The following MAGI1 variants were observed in gnomAD, a reference collection of about 807,000 sequenced individuals.
MAGI1 encodes the protein membrane associated guanylate kinase, WW and PDZ domain containing 1.
In MAGI1, 58 loss-of-function variants were observed where a neutral mutation model predicts 139.9. The ratio of observed to expected loss-of-function variants is 0.41; its 90% confidence interval spans 0.34 to 0.52. The LOEUF (loss-of-function observed/expected upper bound fraction) is 0.52, where lower values mean the gene tolerates loss of function less well. MAGI1 is among the 20% of genes least tolerant of loss of function. MAGI1 has a pLI of 0.12. For synonymous variants in MAGI1, 812 were observed against 737.9 expected (o/e 1.10, Z -1.63); for missense variants, 1,874 against 1,901.6 (o/e 0.99, Z 0.27).
intron 7 of MAGI1, among the ~76,000 whole-genome samples, chr3:65,444,253 T>C (rs550813998): frequency 3.3e-4 from 51 of 152,316 alleles, no homozygotes; most frequent in Non-Finnish European, 4.6e-4. Context: ...CATTTGTATA[T>C]ACTGAGTCTT....
Position 65,379,437 on chromosome 3 carries a change from G to A in MAGI1, c.2819C>T (p.Thr940Met), listed in dbSNP as rs757905500. 2.5e-6 allele frequency: 4 copies of A among 1,613,900 alleles called. No individual in the cohort carries two copies. The highest frequency in any genetic ancestry group is 2.2e-5 in the South Asian group (2 of 91,080). The change falls in exon 17 of 23, where the codon ACG becomes ATG. Residue 940 changes from threonine to methionine, a missense_variant. Thr to Met is a moderately conservative substitution (Grantham distance 81). Transcript: ENST00000402939. ...GGTGCTGCCGCTGCCCGAGCTCACC[G>A]TGTTCAGCGAGTTCTGGCTGCCCTG... ...TPQGSQNSLN[T>M]VSSGSGSTSG...
chr3:65,662,103 AACTTTC>A (rs147420467), intron 1 of MAGI1, among the ~76,000 whole-genome samples: 2,040 of 152,266 alleles, frequency 0.013, 14 homozygotes, highest in Middle Eastern at 0.034. Flanking sequence ...AATTACCAAG[AACTTTC>A]ACAAGTTCAG....
At chr3:66,032,111 GAA>G (rs1345058923) in intron 1 of MAGI1, among the ~76,000 whole-genome samples, 1 of 152,194 alleles carries the variant, frequency 6.6e-6, no homozygotes, top group African/African-American at 2.4e-5. Flanking sequence ...CAAATCGAGA[GAA>G]AGGGAGGAAA....
At chr3:65,696,040 C>T (rs909198708) in intron 1 of MAGI1, among the ~76,000 whole-genome samples, 1 of 152,138 alleles carries the variant, frequency 6.6e-6, no homozygotes, top group Admixed American at 6.5e-5. Context: ...AGATAAAATC[C>T]AATGGCCAGT....
At chr3:65,575,973 T>G (rs2081157973) in intron 2 of MAGI1, among the ~76,000 whole-genome samples, 1 of 152,190 alleles carries the variant, frequency 6.6e-6, no homozygotes, top group Non-Finnish European at 1.5e-5. Context: ...TATGTTCGTT[T>G]TCTTAATTGT....
chr3:65,448,845 A>G (rs527508522), intron 6 of MAGI1, among the ~76,000 whole-genome samples: 2 of 152,192 alleles, frequency 1.3e-5, no homozygotes, highest in African/African-American at 4.8e-5. Flanking sequence ...TGTCAGTACA[A>G]CATTTTCTTA....
intron 1 of MAGI1, among the ~76,000 whole-genome samples, chr3:65,703,639 G>T (rs1028392307): frequency 6.6e-6 from 1 of 152,144 alleles, no homozygotes; most frequent in Non-Finnish European, 1.5e-5. Flanking sequence ...CTCACCTAAG[G>T]TCACACTAAT....
chr3:65,890,861 A>T (rs1391837134), intron 1 of MAGI1, among the ~76,000 whole-genome samples: 1 of 152,226 alleles, frequency 6.6e-6, no homozygotes, highest in Non-Finnish European at 1.5e-5. Context: ...AGCACAAAAC[A>T]TTAACTTGGA....
chr3:65,443,771 A>C (rs528483195), intron 7 of MAGI1, among the ~76,000 whole-genome samples: 1 of 152,180 alleles, frequency 6.6e-6, no homozygotes, highest in Non-Finnish European at 1.5e-5. Context: ...AGTCAAGGCA[A>C]ACTTATGTAA....
At chr3:65,661,115 A>G (rs1008238267) in intron 1 of MAGI1, among the ~76,000 whole-genome samples, 1 of 152,142 alleles carries the variant, frequency 6.6e-6, no homozygotes, top group Non-Finnish European at 1.5e-5. Flanking sequence ...AAAGCCCCCA[A>G]TGTATATTCT....
intron 1 of MAGI1, among the ~76,000 whole-genome samples, chr3:65,932,703 T>C (rs1016882959): frequency 2.6e-5 from 4 of 152,016 alleles, no homozygotes; most frequent in Non-Finnish European, 4.4e-5. Context: ...GGCTTCCAAA[T>C]TCCACCTCGT....
intron 1 of MAGI1, among the ~76,000 whole-genome samples, chr3:65,721,195 G>C (rs1475881402): frequency 6.6e-6 from 1 of 152,064 alleles, no homozygotes; most frequent in African/African-American, 2.4e-5. Context: ...GCATACACTG[G>C]AATTCTGACT....
At chr3:65,875,282 A>T (rs1047573350) in intron 1 of MAGI1, among the ~76,000 whole-genome samples, 10 of 152,268 alleles carry the variant, frequency 6.6e-5, no homozygotes, top group Admixed American at 4.6e-4. Flanking sequence ...TGTTGTTGAG[A>T]TGATGAAAAT....
At chr3:65,480,908 AT>A (rs1271457843) in intron 3 of MAGI1, among the ~76,000 whole-genome samples, 1 of 152,136 alleles carries the variant, frequency 6.6e-6, no homozygotes, top group Non-Finnish European at 1.5e-5. Flanking sequence ...CTTTTTTAAG[AT>A]AAAAAGTTTT....
intron 4 of MAGI1, among the ~76,000 whole-genome samples, chr3:65,477,059 G>A (rs980034164): frequency 7.2e-5 from 11 of 152,122 alleles, no homozygotes; most frequent in African/African-American, 2.7e-4. Flanking sequence ...TTTTACATAT[G>A]GATGAGTTAG....
chr3:65,798,304 AAAACAAAC>A lies in MAGI1; in HGVS notation c.314-176224_314-176217del, dbSNP rs549833908. Among the ~76,000 whole-genome samples the A allele has an allele frequency of 1.7e-4, 25 of 151,452 alleles. 1 individual carries two copies. The highest frequency in any genetic ancestry group is 2.7e-4 in the African/African-American group (11 of 41,344). Reference sequence around the variant, plus strand: ...GGGCAACAAAGCGAGACTCCATCTCAAAACAAACAAACAAACAAACAAACAAACAAACA... The same window carrying A: ...GGGCAACAAAGCGAGACTCCATCTCAAAACAAACAAACAAACAAACAAACA... On this transcript the variant is annotated intron_variant, in intron 1 of 22. Transcript: ENST00000402939.
chr3:65,868,859 T>G (rs971080628), intron 1 of MAGI1, among the ~76,000 whole-genome samples: 2 of 152,162 alleles, frequency 1.3e-5, no homozygotes, highest in African/African-American at 4.8e-5. Flanking sequence ...CTCGACAAAG[T>G]CCACCCTGAT....
At position 65,979,096 on chromosome 3, in the gene MAGI1, C is replaced by G. The variant is rs1257096988; in HGVS notation, c.313+58900G>C. On this transcript the variant is annotated intron_variant, in intron 1 of 22. Coordinates refer to ENST00000402939, the MANE Select transcript of MAGI1 (RefSeq NM_001033057.2). ...AAGTTTTTTTCTTTTCTTCCCCCCC[C>G]CCGCCACCCCCCACAGCTACTCACA... Among the ~76,000 whole-genome samples the G allele has an allele frequency of 6.6e-5, 4 of 60,392 alleles. 1 individual carries two copies. The highest frequency in any genetic ancestry group is 6.5e-4 in the East Asian group (1 of 1,540). The allele number at this position is 60,392 out of a possible 152,430, so 39.6% of individuals were successfully genotyped here. A position where few individuals can be genotyped will look rare whatever the true frequency, so the allele number is the denominator to read the frequency against.
At chr3:65,893,350 C>A (rs1412232194) in intron 1 of MAGI1, among the ~76,000 whole-genome samples, 3 of 149,698 alleles carry the variant, frequency 2.0e-5, no homozygotes, top group Non-Finnish European at 4.4e-5. Context: ...TTTTTCATTT[C>A]ATGAAAATTA....
Sources: allele counts gnomAD v4.1 joint callset (sites outside exome capture counted in the v4.1 genomes callset), GRCh38; gene constraint gnomAD v4.1.1; transcripts MANE v1.5; gene names NCBI Gene and HGNC (gene_info 2026-07-23, HGNC 2026-07-21).